The following NAV2 variants were observed in gnomAD, a reference collection of about 807,000 sequenced individuals.
NAV2 encodes helicase, APC down-regulated 1.
Under a neutral mutation model 223.2 loss-of-function variants are expected in NAV2, and 54 were observed. The observed-to-expected ratio is 0.24, with a 90% CI of 0.19 to 0.30. The LOEUF is 0.30. NAV2 is among the 10% of genes least tolerant of loss of function. The pLI is 1.00. For synonymous variants in NAV2, 1,279 were observed against 1,239.3 expected (o/e 1.03, Z -0.67); for missense variants, 2,806 against 3,147.5 (o/e 0.89, Z 2.60).
At chr11:19,363,657 G>C (rs1447307065) in intron 1 of NAV2, among the ~76,000 whole-genome samples, 2 of 152,112 alleles carry the variant, frequency 1.3e-5, no homozygotes, top group African/African-American at 2.4e-5. Context: ...TATCTGGCTG[G>C]AATTAGCATC....
intron 6 of NAV2, among the ~76,000 whole-genome samples, chr11:19,916,915 A>G (rs967270991): frequency 2.0e-5 from 3 of 152,230 alleles, no homozygotes; most frequent in Non-Finnish European, 4.4e-5. Flanking sequence ...AGAGGGCCAA[A>G]ATCTGTGAAG....
At chr11:19,500,448 C>T (rs996519786) in intron 1 of NAV2, among the ~76,000 whole-genome samples, 16 of 152,218 alleles carry the variant, frequency 1.1e-4, no homozygotes, top group Non-Finnish European at 7.3e-5. Context: ...CTGATACACC[C>T]ATTCCTATCC....
chr11:19,634,964 A>G (rs1378342853), intron 1 of NAV2, among the ~76,000 whole-genome samples: 1 of 152,178 alleles, frequency 6.6e-6, no homozygotes, highest in Admixed American at 6.5e-5. Context: ...TTGTTAGAGT[A>G]CGTTAACTGC....
chr11:20,078,172 T>C lies in NAV2; in HGVS notation c.5179+68T>C. On this transcript the variant is annotated intron_variant, in intron 24 of 37. Transcript: ENST00000349880. ...CCTTAGGAGCCCTCCCCTGACATCA[T>C]ATGATGCAACCTCCTTGCTAGAAGA... 4 of 1,083,520 alleles carry C rather than the reference T, an allele frequency of 3.7e-6. No homozygotes were observed. In the South Asian group the frequency reaches 4.1e-5, roughly 11 times the overall value. 67.1% of individuals were successfully genotyped at this position (1,083,520 alleles called of 1,614,324 possible).
chr11:19,351,175 C>A, intron 1 of NAV2: 2 of 774,448 alleles, frequency 2.6e-6, no homozygotes, highest in Non-Finnish European at 4.3e-6. Context: ...TGCTATGTCT[C>A]GATGCTGGGT....
chr11:19,402,982 G>A (rs1026342488), intron 1 of NAV2, among the ~76,000 whole-genome samples: 4 of 152,294 alleles, frequency 2.6e-5, no homozygotes, highest in East Asian at 1.9e-4. Flanking sequence ...CGGGAGTGGC[G>A]GTGAAGAGCC....
At chr11:19,680,692 A>G (rs566433045) in intron 1 of NAV2, among the ~76,000 whole-genome samples, 60 of 152,246 alleles carry the variant, frequency 3.9e-4, no homozygotes, top group Admixed American at 3.1e-3. Flanking sequence ...AAATGGGGAT[A>G]ATAATGCCTA....
At chr11:19,847,872 C>A (rs2060891933) in intron 3 of NAV2, among the ~76,000 whole-genome samples, 1 of 152,164 alleles carries the variant, frequency 6.6e-6, no homozygotes, top group Non-Finnish European at 1.5e-5. Context: ...CAGTATATGG[C>A]AGTTACTACG....
At chr11:19,724,129 T>C (rs998898224) in intron 1 of NAV2, among the ~76,000 whole-genome samples, 4 of 152,156 alleles carry the variant, frequency 2.6e-5, no homozygotes, top group Admixed American at 2.0e-4. Context: ...ATAGCTCCAT[T>C]GTACAGATGA....
At position 19,739,132 on chromosome 11, in the gene NAV2, C is replaced by T. The variant is rs547031337; in HGVS notation, c.267+25170C>T. On this transcript the variant is annotated intron_variant, in intron 1 of 37. Transcript: ENST00000349880. ...GGGAGTTTGAGGCTGCAGTGAACCA[C>T]GATTGTGCCACTGGGCTTCAGTCTG... Among the ~76,000 whole-genome samples the T allele has an allele frequency of 2.1e-4, 32 of 152,234 alleles. 1 individual carries two copies. The South Asian group carries it at 5.8e-3, about 28-fold the overall frequency.
intron 1 of NAV2, among the ~76,000 whole-genome samples, chr11:19,528,515 C>T (rs1447711070): frequency 6.6e-6 from 1 of 152,200 alleles, no homozygotes; most frequent in Non-Finnish European, 1.5e-5. Flanking sequence ...CAGGGATGGA[C>T]TCCGGCAGGT....
rs573418442 is a variant in NAV2 at position 20,051,175 on chromosome 11, C to G, written c.4437-114C>G. The stretch of plus-strand genomic sequence containing the variant: ...CACGCCTAGCTGGATAAGGCACTTC[C>G]TGGTGATGTGCACCTCTTTCTCCAG... On this transcript the variant is annotated intron_variant, in intron 16 of 37. Transcript: ENST00000349880. 86 of 833,204 alleles carry G rather than the reference C, an allele frequency of 1.0e-4. No homozygotes were observed. The African/African-American group carries it at 1.4e-3, about 13-fold the overall frequency. 51.6% of individuals were successfully genotyped at this position (833,204 alleles called of 1,614,324 possible). A position where few individuals can be genotyped will look rare whatever the true frequency, so the allele number is the denominator to read the frequency against.
rs149996737 is a variant in NAV2, at chr11:19,500,320, C to T, written c.75+149293C>T. 1.0e-3 allele frequency among the ~76,000 whole-genome samples: 154 copies of T among 152,212 alleles called. 1 individual carries two copies. The highest frequency in any genetic ancestry group is 3.5e-3 in the African/African-American group (146 of 41,548). On this transcript the variant is annotated intron_variant, in intron 1 of 37. Transcript: ENST00000360655. ...TGAGCTGAGCCACAGCCAGCAGTGTCCAGCCACACTCACCCAAGATCACAG... is the reference window on the plus strand; with the variant it reads ...TGAGCTGAGCCACAGCCAGCAGTGTTCAGCCACACTCACCCAAGATCACAG...
chr11:19,432,549 G>A (rs763926860), intron 1 of NAV2, among the ~76,000 whole-genome samples: 8 of 152,336 alleles, frequency 5.3e-5, no homozygotes, highest in South Asian at 4.1e-4. Flanking sequence ...GCCAAAAGGC[G>A]TCATGGACAG....
rs138360442 is a variant in NAV2, at chr11:19,924,512, T to A, written c.932-8664T>A. Among the ~76,000 whole-genome samples the A allele has an allele frequency of 6.6e-5, 10 of 152,262 alleles. No individual in the cohort carries two copies. In the East Asian group the frequency reaches 1.9e-3, roughly 29 times the overall value. ...GGGTGAAAAAGTCACTGAGAAAAAC[T>A]GGGAAATGTGTGGTTCATGCAGGAC... On this transcript the variant is annotated intron_variant, in intron 6 of 37. Transcript: ENST00000349880.
chr11:19,581,968 T>C (rs192894097), intron 1 of NAV2, among the ~76,000 whole-genome samples: 1,550 of 152,344 alleles, frequency 0.01, 18 homozygotes, highest in South Asian at 0.04. Flanking sequence ...TGAACTAGTT[T>C]ACAGTCCCAC....
chr11:19,875,117 A>G (rs1001397182), intron 4 of NAV2, among the ~76,000 whole-genome samples: 40 of 152,346 alleles, frequency 2.6e-4, no homozygotes, highest in African/African-American at 8.4e-4. Flanking sequence ...GGATTGTGCC[A>G]CTGCACTCCA....
intron 25 of NAV2, among the ~76,000 whole-genome samples, chr11:20,082,001 CATG>C (rs571325402): frequency 6.6e-6 from 1 of 152,134 alleles, no homozygotes; most frequent in Non-Finnish European, 1.5e-5. Flanking sequence ...AGATCCATCT[CATG>C]ATTTGGGGAA....
At chr11:19,400,609 A>G (rs944294506) in intron 1 of NAV2, among the ~76,000 whole-genome samples, 2 of 152,202 alleles carry the variant, frequency 1.3e-5, no homozygotes, top group African/African-American at 4.8e-5. Context: ...AATGTAGAAT[A>G]GGGATAATGA....
Sources: allele counts gnomAD v4.1 joint callset (sites outside exome capture counted in the v4.1 genomes callset), GRCh38; gene constraint gnomAD v4.1.1; transcripts MANE v1.5; gene names NCBI Gene and HGNC (gene_info 2026-07-23, HGNC 2026-07-21).